The following SV2C variants were observed in gnomAD, a reference collection of about 807,000 sequenced individuals.
SV2C encodes the protein synaptic vesicle glycoprotein 2C, also known as solute carrier family 22 member B3.
SV2C carries 49 observed loss-of-function variants against 79.7 expected under a neutral mutation model. The observed-to-expected ratio is 0.61, with a 90% CI of 0.49 to 0.78. The LOEUF (loss-of-function observed/expected upper bound fraction) is 0.78, where lower values mean the gene tolerates loss of function less well. Ranked by LOEUF, SV2C falls within the 30% of genes least tolerant of loss-of-function variation. The pLI is 0.00. For missense variants in SV2C, 833 were observed against 912.9 expected, an observed-to-expected ratio of 0.91 and a Z score of 1.13; for synonymous variants, 334 against 333.2, an observed-to-expected ratio of 1.00 and a Z score of -0.03.
At chr5:76,064,455 GC>G in the SV2C span, among the ~76,000 whole-genome samples, 2 of 152,326 alleles carry the variant, frequency 1.3e-5, no homozygotes, top group Admixed American at 1.3e-4. Flanking sequence ...TATGTGAATA[GC>G]TGTTTCTACT....
At chr5:75,852,329 C>A in the SV2C span, among the ~76,000 whole-genome samples, 1 of 151,932 alleles carries the variant, frequency 6.6e-6, no homozygotes, top group African/African-American at 2.4e-5. Flanking sequence ...TTTAAAAAGT[C>A]AATTTACCCC....
At chr5:76,281,241 T>A in intron 4 of SV2C, 1 of 521,244 alleles carries the variant, frequency 1.9e-6, no homozygotes, top group Non-Finnish European at 3.9e-6. Flanking sequence ...AGAAGAAAAG[T>A]AATAGACTCT....
At position 76,227,898 on chromosome 5, in the gene SV2C, G is replaced by T. The variant is rs142028779; in HGVS notation, c.913+18011G>T. Among the ~76,000 whole-genome samples, 161 of 152,274 alleles carry T rather than the reference G, an allele frequency of 1.1e-3. 1 individual carries two copies. The highest frequency in any genetic ancestry group is 3.5e-3 in the African/African-American group (144 of 41,558). On this transcript the variant is annotated intron_variant, in intron 4 of 12. Coordinates refer to ENST00000502798, the MANE Select transcript of SV2C (RefSeq NM_014979.4). ...GGAGGCATTCATCTTGTCCCATCGC[G>T]GCTCACTTAGCTGAGACCTCTGCAG...
At chr5:76,095,858 G>T (rs1437914546) in intron 1 of SV2C, among the ~76,000 whole-genome samples, 1 of 152,076 alleles carries the variant, frequency 6.6e-6, no homozygotes, top group Non-Finnish European at 1.5e-5. Flanking sequence ...AAGCAAAACT[G>T]TTGATAAAAA....
At chr5:76,190,622 T>A (rs969671939) in intron 2 of SV2C, among the ~76,000 whole-genome samples, 5 of 152,144 alleles carry the variant, frequency 3.3e-5, no homozygotes, top group African/African-American at 1.2e-4. Flanking sequence ...TACTTCATAG[T>A]CTAGTTGAGA....
chr5:75,910,950 C>T, the SV2C span: 4 of 912,878 alleles, frequency 4.4e-6, no homozygotes, highest in Admixed American at 3.4e-5. Flanking sequence ...AGCAGGCTCT[C>T]TTTAGTCATT....
chr5:76,349,847 C>T (rs990380369), intron 12 of SV2C, among the ~76,000 whole-genome samples: 1 of 152,094 alleles, frequency 6.6e-6, no homozygotes, highest in African/African-American at 2.4e-5. Context: ...TCAATGGCTA[C>T]ACTTTTAAAA....
the SV2C span, among the ~76,000 whole-genome samples, chr5:76,070,902 C>T: frequency 6.6e-6 from 1 of 152,200 alleles, no homozygotes; most frequent in African/African-American, 2.4e-5. Context: ...CCCTATGCCT[C>T]CATTTTCAGG....
chr5:75,958,434 C>A, the SV2C span, among the ~76,000 whole-genome samples: 5 of 151,988 alleles, frequency 3.3e-5, no homozygotes, highest in Non-Finnish European at 7.4e-5. Context: ...TAGCCACTCT[C>A]CCCTCCTCAA....
intron 3 of SV2C, among the ~76,000 whole-genome samples, chr5:76,202,355 G>A (rs774651029): frequency 3.3e-5 from 5 of 152,126 alleles, no homozygotes; most frequent in Non-Finnish European, 4.4e-5. Flanking sequence ...TTAACTGTAT[G>A]TCATAAATGA....
At chr5:75,919,082 T>A in the SV2C span, among the ~76,000 whole-genome samples, 1 of 152,220 alleles carries the variant, frequency 6.6e-6, no homozygotes, top group Non-Finnish European at 1.5e-5. Flanking sequence ...AGTTGTTGAA[T>A]GGAACTGTAA....
intron 1 of SV2C, among the ~76,000 whole-genome samples, chr5:76,112,565 T>C (rs1034535461): frequency 6.6e-6 from 1 of 152,066 alleles, no homozygotes; most frequent in Non-Finnish European, 1.5e-5. Context: ...TGGTGAGTTT[T>C]TTCTGGCTGC....
intron 1 of SV2C, among the ~76,000 whole-genome samples, chr5:76,105,912 A>G (rs2081076): frequency 0.11 from 17,020 of 151,444 alleles, 3,207 homozygotes; most frequent in African/African-American, 0.39. Context: ...CTCCCTTCTC[A>G]TCTTACACTA....
the SV2C span, among the ~76,000 whole-genome samples, chr5:75,956,248 C>G: frequency 0.22 from 30,381 of 138,216 alleles, 4,116 homozygotes; most frequent in Middle Eastern, 0.34. Context: ...CCTTTGTAGG[C>G]ACATGGATGA....
chr5:75,884,391 A>G, the SV2C span, among the ~76,000 whole-genome samples: 1 of 152,204 alleles, frequency 6.6e-6, no homozygotes, highest in Non-Finnish European at 1.5e-5. Context: ...AACTCCAATA[A>G]CAAATAACAT....
chr5:75,948,074 A>C, the SV2C span, among the ~76,000 whole-genome samples: 1 of 152,034 alleles, frequency 6.6e-6, no homozygotes, highest in Non-Finnish European at 1.5e-5. Flanking sequence ...TGTTTAGATA[A>C]AATGGCCTTA....
the SV2C span, among the ~76,000 whole-genome samples, chr5:75,880,214 T>G: frequency 6.6e-6 from 1 of 152,144 alleles, no homozygotes; most frequent in Non-Finnish European, 1.5e-5. Flanking sequence ...TTCTTGGCTA[T>G]TAGCACCTGA....
chr5:76,204,930 A>G (rs1431317776), intron 3 of SV2C, among the ~76,000 whole-genome samples: 1 of 152,060 alleles, frequency 6.6e-6, no homozygotes. Context: ...GACTTGGCAT[A>G]CTCTGTCATC....
chr5:76,239,023 C>A (rs894188135), intron 4 of SV2C, among the ~76,000 whole-genome samples: 1 of 152,156 alleles, frequency 6.6e-6, no homozygotes, highest in African/African-American at 2.4e-5. Flanking sequence ...TCACTCCTAT[C>A]CTCCTAAGTA....
Sources: gnomAD v4.1 joint callset for allele counts (sites outside exome capture counted in the v4.1 genomes callset) on GRCh38, gnomAD v4.1.1 for gene constraint, MANE v1.5 for transcripts, NCBI Gene and HGNC (gene_info 2026-07-23, HGNC 2026-07-21) for gene names.